Variants in SDK1 observed in about 807,000 individuals in gnomAD.
The protein encoded by SDK1 is protein sidekick-1.
A neutral mutation model predicts 245.5 loss-of-function variants in SDK1; 157 were observed. The observed-to-expected ratio is 0.64, with a 90% CI of 0.56 to 0.73. The LOEUF is 0.73. SDK1 is among the 30% of genes least tolerant of loss of function. The pLI, the probability that SDK1 is intolerant of heterozygous loss-of-function variation, is 0.00. For missense variants in SDK1, 3,583 were observed against 3,002.3 expected, an observed-to-expected ratio of 1.19 and a Z score of -4.52; for synonymous variants, 1,647 against 1,278.5, an observed-to-expected ratio of 1.29 and a Z score of -6.15.
intron 1 of SDK1, among the ~76,000 whole-genome samples, chr7:3,414,490 C>G (rs959670623): frequency 2.0e-5 from 3 of 152,018 alleles, no homozygotes; most frequent in Non-Finnish European, 2.9e-5. Flanking sequence ...TAGTTTTTTT[C>G]TTTTACATGA....
chr7:3,824,663 T>G (rs1032609599), intron 5 of SDK1, among the ~76,000 whole-genome samples: 2 of 152,198 alleles, frequency 1.3e-5, no homozygotes, highest in African/African-American at 4.8e-5. Context: ...TAATACATTT[T>G]CATCAACAAC....
At chr7:3,627,932 C>G (rs892321901) in intron 2 of SDK1, among the ~76,000 whole-genome samples, 3 of 152,186 alleles carry the variant, frequency 2.0e-5, no homozygotes, top group Non-Finnish European at 1.5e-5. Context: ...TTCCCATCAG[C>G]CAAGCCATTT....
In SDK1 at chr7:3,301,586, C is replaced by T. The variant is rs2128539111; in HGVS notation, c.-1C>T. On this transcript the variant is annotated 5_prime_UTR_variant, in exon 1 of 45. Transcript: ENST00000404826. ...GGCGCTCGGGGTGGCGGCTGCTCGGCATGGCCCGGGGCGCCCGGCCCTCGG... is the reference window on the plus strand; with the variant it reads ...GGCGCTCGGGGTGGCGGCTGCTCGGTATGGCCCGGGGCGCCCGGCCCTCGG... The T allele has an allele frequency of 6.2e-6, 6 of 966,018 alleles. No individual in the cohort carries two copies. The highest frequency in any genetic ancestry group is 4.7e-5 in the South Asian group (1 of 21,412). 59.8% of individuals were successfully genotyped at this position (966,018 alleles called of 1,614,324 possible).
chr7:4,206,367 C>T (rs931856778), intron 36 of SDK1, among the ~76,000 whole-genome samples: 3 of 152,172 alleles, frequency 2.0e-5, no homozygotes, highest in Admixed American at 6.5e-5. Flanking sequence ...GAACATGGGG[C>T]GCCTGGAAGA....
At chr7:3,749,351 G>A (rs952462235) in intron 4 of SDK1, among the ~76,000 whole-genome samples, 5 of 152,100 alleles carry the variant, frequency 3.3e-5, no homozygotes, top group Admixed American at 6.5e-5. Flanking sequence ...CCAGGCTGGA[G>A]TGCAATGGCA....
intron 1 of SDK1, among the ~76,000 whole-genome samples, chr7:3,308,082 C>G (rs532276856): frequency 6.6e-6 from 1 of 152,262 alleles, no homozygotes; most frequent in East Asian, 1.9e-4. Flanking sequence ...TATATTTACT[C>G]TAGCCTAAAA....
At position 3,384,066 on chromosome 7, in the gene SDK1, G is replaced by C. The variant is rs556437205; in HGVS notation, c.298+82182G>C. Among the ~76,000 whole-genome samples, 631 of 152,196 alleles carry C rather than the reference G, an allele frequency of 4.1e-3. 8 individuals carry two copies. The highest frequency in any genetic ancestry group is 0.018 in the South Asian group (86 of 4,814). ...AATTTTTGTATTTTATACAGAGTTA[G>C]CTTAGGCCGTGATTAGGTAGAAATA... is the stretch of plus-strand genomic sequence containing the variant. On this transcript the variant is annotated intron_variant, in intron 1 of 44. Coordinates refer to ENST00000404826, the MANE Select transcript of SDK1 (RefSeq NM_152744.4).
intron 35 of SDK1, among the ~76,000 whole-genome samples, chr7:4,184,068 G>A (rs904205591): frequency 5.9e-5 from 9 of 152,178 alleles, no homozygotes; most frequent in Non-Finnish European, 8.8e-5. Context: ...TCTGCTTCTC[G>A]CAGCCCAAGT....
intron 30 of SDK1, among the ~76,000 whole-genome samples, chr7:4,157,359 G>A (rs9297133): frequency 7.4e-6 from 1 of 134,516 alleles, no homozygotes; most frequent in Non-Finnish European, 1.6e-5. Flanking sequence ...GAAGGAAAGT[G>A]GGAAGGGAGG....
chr7:3,827,889 C>T (rs1779815785), intron 5 of SDK1, among the ~76,000 whole-genome samples: 1 of 152,092 alleles, frequency 6.6e-6, no homozygotes, highest in African/African-American at 2.4e-5. Context: ...GAATTGGACT[C>T]GTTATGAGTA....
intron 1 of SDK1, chr7:3,476,115 G>A (rs1247883342): frequency 1.3e-5 from 2 of 152,580 alleles, no homozygotes; most frequent in Non-Finnish European, 2.9e-5. Flanking sequence ...TAGATTAAGT[G>A]ACTAATTTTC....
At chr7:3,324,597 A>G (rs551298377) in intron 1 of SDK1, among the ~76,000 whole-genome samples, 2 of 152,298 alleles carry the variant, frequency 1.3e-5, no homozygotes, top group Non-Finnish European at 2.9e-5. Flanking sequence ...GTAATAGGAA[A>G]TACACTCCCA....
At chr7:4,207,032 T>A (rs17134602) in intron 36 of SDK1, among the ~76,000 whole-genome samples, 2,418 of 152,328 alleles carry the variant, frequency 0.016, 68 homozygotes, top group African/African-American at 0.055. Flanking sequence ...AAGACACTGA[T>A]CTTGGATATT....
At chr7:3,983,956 G>A (rs974680844) in intron 13 of SDK1, among the ~76,000 whole-genome samples, 10 of 152,164 alleles carry the variant, frequency 6.6e-5, no homozygotes, top group African/African-American at 2.2e-4. Context: ...TGCCAGGCGG[G>A]TAGCTCTTGC....
At chr7:4,205,790 C>A in intron 35 of SDK1, 89 bp from the exon 36 acceptor site, 1 of 1,041,658 alleles carries the variant, frequency 9.6e-7, no homozygotes, top group Non-Finnish European at 1.5e-6. Flanking sequence ...GGAATTAGGG[C>A]ATGCTCGAGC....
At chr7:3,328,096 T>C (rs1391073529) in intron 1 of SDK1, among the ~76,000 whole-genome samples, 1 of 151,934 alleles carries the variant, frequency 6.6e-6, no homozygotes, top group Non-Finnish European at 1.5e-5. Context: ...ATTCTTATTC[T>C]GTGTGTGTTT....
chr7:4,075,913 C>G (rs1780648376), intron 20 of SDK1, among the ~76,000 whole-genome samples: 1 of 151,976 alleles, frequency 6.6e-6, no homozygotes, highest in Non-Finnish European at 1.5e-5. Flanking sequence ...TTGGCCTCCC[C>G]AAGTGCTGGG....
intron 4 of SDK1, among the ~76,000 whole-genome samples, chr7:3,675,134 C>G (rs991761549): frequency 1.3e-5 from 2 of 152,322 alleles, no homozygotes; most frequent in East Asian, 3.9e-4. Flanking sequence ...TCCCTCCATG[C>G]CCCAAACCTG....
rs562237538 is a variant in SDK1, at chr7:3,817,838, A to G, written c.714-3612A>G. 2.6e-5 allele frequency among the ~76,000 whole-genome samples: 4 copies of G among 152,332 alleles called. No individual in the cohort carries two copies. In the East Asian group the frequency reaches 7.7e-4, roughly 29 times the overall value. On this transcript the variant is annotated intron_variant, in intron 4 of 44. Transcript: ENST00000404826. ...CACCTCAGGAGAGTGTTGGAGAATC[A>G]AGTGAAGAATGGCCAGAAGCACTTA...
Sources: gnomAD v4.1 joint callset for allele counts (sites outside exome capture counted in the v4.1 genomes callset) on GRCh38, gnomAD v4.1.1 for gene constraint, MANE v1.5 for transcripts, NCBI Gene and HGNC (gene_info 2026-07-23, HGNC 2026-07-21) for gene names.